Variants in ATG13 observed in about 807,000 individuals in gnomAD.
ATG13 encodes the protein autophagy related 13, also known as autophagy-related protein 13.
Under a neutral mutation model 65.5 loss-of-function variants are expected in ATG13, and 23 were observed. The ratio of observed to expected loss-of-function variants is 0.35; its 90% CI spans 0.25 to 0.50. The LOEUF is 0.50. Ranked by LOEUF, ATG13 falls within the 20% of genes least tolerant of loss-of-function variation. The probability of loss-of-function intolerance (pLI) is 0.98; values close to 1 mark genes in which losing one functional copy is unlikely to be tolerated. For synonymous variants in ATG13, 252 were observed against 245.2 expected, an observed-to-expected ratio of 1.03 and a Z score of -0.26; for missense variants, 566 against 677.0, an observed-to-expected ratio of 0.84 and a Z score of 1.82.
intron 1 of ATG13, among the ~76,000 whole-genome samples, chr11:46,622,271 C>G (rs751318565): frequency 1.3e-5 from 2 of 151,242 alleles, no homozygotes; most frequent in Non-Finnish European, 3.0e-5. Flanking sequence ...GCGCCCACTA[C>G]CATGCCTGGC....
chr11:46,663,181 G>A (rs1235146470), intron 11 of ATG13, among the ~76,000 whole-genome samples: 2 of 149,978 alleles, frequency 1.3e-5, no homozygotes. Context: ...CAGGAGAATG[G>A]CGTGAACCTG....
intron 3 of ATG13, among the ~76,000 whole-genome samples, chr11:46,644,561 C>A (rs942232483): frequency 6.6e-6 from 1 of 151,490 alleles, no homozygotes; most frequent in African/African-American, 2.4e-5. Flanking sequence ...TCCAATTTTC[C>A]ACAGCTACTT....
intron 11 of ATG13, among the ~76,000 whole-genome samples, chr11:46,661,530 A>G (rs918585781): frequency 2.6e-5 from 4 of 151,576 alleles, no homozygotes; most frequent in Admixed American, 6.6e-5. Context: ...AAAAAAAAAA[A>G]AAAAAGTCAT....
At chr11:46,638,632 A>G (rs1285926990) in intron 2 of ATG13, 3 of 151,950 alleles carry the variant, frequency 2.0e-5, no homozygotes, top group Admixed American at 6.6e-5. Flanking sequence ...TCTACTCTCT[A>G]CTACTTTAAT....
chr11:46,647,265 G>GTTTTTGTTT (rs987893796), intron 5 of ATG13, among the ~76,000 whole-genome samples: 3 of 141,508 alleles, frequency 2.1e-5, no homozygotes, highest in African/African-American at 7.7e-5. Context: ...TGCTTTTTGG[G>GTTTTTGTTT]TTTTTGTTTT....
At chr11:46,669,268 G>T in intron 17 of ATG13, 136 bp from the exon 18 acceptor site, 1 of 1,148,100 alleles carries the variant, frequency 8.7e-7, no homozygotes, top group East Asian at 2.4e-5. Context: ...GTCTGGGAGA[G>T]AAAAGTGTAA....
At chr11:46,657,013 C>A in intron 8 of ATG13, 82 bp from the exon 9 acceptor site, 1 of 1,190,408 alleles carries the variant, frequency 8.4e-7, no homozygotes, top group Non-Finnish European at 1.3e-6. Flanking sequence ...ACACAATAGG[C>A]CAAATAATTC....
At chr11:46,641,545 A>G (rs1156321509) in intron 2 of ATG13, among the ~76,000 whole-genome samples, 1 of 152,264 alleles carries the variant, frequency 6.6e-6, no homozygotes, top group African/African-American at 2.4e-5. Context: ...TAAGAAATTC[A>G]AAACAACCCA....
intron 2 of ATG13, among the ~76,000 whole-genome samples, chr11:46,639,310 A>G (rs2055084677): frequency 6.6e-6 from 1 of 152,076 alleles, no homozygotes; most frequent in African/African-American, 2.4e-5. Context: ...ATCTTCGTTG[A>G]TAGACATTTA....
chr11:46,672,785 A>G lies in ATG13; in HGVS notation c.*453A>G. ...GGAGTCGCAGAAAGAGGAAGGAGACAGTGCCAGGAGGAAGAAGGAAGGAGT... is the reference window on the plus strand; with the variant it reads ...GGAGTCGCAGAAAGAGGAAGGAGACGGTGCCAGGAGGAAGAAGGAAGGAGT... On this transcript the variant is annotated 3_prime_UTR_variant, in exon 19 of 19. Coordinates refer to ENST00000683050, the MANE Select transcript of ATG13 (RefSeq NM_001346311.2). The G allele has an allele frequency of 3.7e-6, 5 of 1,343,352 alleles. No homozygotes were observed. Among genetic ancestry groups the G allele is most frequent in the South Asian group, 3.5e-5 (3 of 86,562 alleles). The allele number at this position is 1,343,352 out of a possible 1,614,324, so 83.2% of individuals were successfully genotyped here. A position where few individuals can be genotyped will look rare whatever the true frequency, so the allele number is the denominator to read the frequency against.
intron 1 of ATG13, among the ~76,000 whole-genome samples, chr11:46,622,694 C>T (rs1003530592): frequency 2.0e-5 from 3 of 152,130 alleles, no homozygotes; most frequent in Admixed American, 6.5e-5. Context: ...AACTGATACA[C>T]GTATGTTCTG....
chr11:46,657,332 A>T, intron 9 of ATG13, 141 bp downstream of exon 9: 1 of 948,036 alleles, frequency 1.1e-6, no homozygotes, highest in Non-Finnish European at 1.6e-6. Context: ...TGCAGTTGCC[A>T]GATTGGAGAA....
intron 2 of ATG13, among the ~76,000 whole-genome samples, chr11:46,633,026 A>ATTTTTTT (rs746504456): frequency 4.4e-5 from 4 of 90,708 alleles, no homozygotes; most frequent in African/African-American, 2.6e-4. Flanking sequence ...ATATATATAT[A>ATTTTTTT]TTTTTTTTTT....
chr11:46,662,133 A>T (rs966589103), intron 11 of ATG13, among the ~76,000 whole-genome samples: 9 of 152,036 alleles, frequency 5.9e-5, no homozygotes, highest in Admixed American at 5.9e-4. Context: ...ACAAAGACCT[A>T]CTTTCTTCCT....
At chr11:46,650,060 G>A (rs1414742382) in intron 6 of ATG13, 117 bp from the exon 7 acceptor site, 3 of 1,152,594 alleles carry the variant, frequency 2.6e-6, no homozygotes, top group Non-Finnish European at 2.4e-6. Flanking sequence ...GTAATCTGTT[G>A]ATAAAGGTGT....
chr11:46,648,532 A>G (rs1264217587), intron 5 of ATG13, among the ~76,000 whole-genome samples: 2 of 152,124 alleles, frequency 1.3e-5, no homozygotes, highest in African/African-American at 4.8e-5. Flanking sequence ...TAATCCCAGC[A>G]CTTTGGGAGG....
At chr11:46,647,506 G>C (rs1476903283) in intron 5 of ATG13, among the ~76,000 whole-genome samples, 1 of 151,920 alleles carries the variant, frequency 6.6e-6, no homozygotes, top group Non-Finnish European at 1.5e-5. Flanking sequence ...TCGAACTCCT[G>C]ACTTCAGGTG....
At position 46,664,097 on chromosome 11, in the gene ATG13, T is replaced by C; in HGVS notation, c.888+2T>C. 2 of 1,578,896 alleles carry C rather than the reference T, an allele frequency of 1.3e-6. No homozygotes were observed. Among genetic ancestry groups the C allele is most frequent in the Non-Finnish European group, 1.7e-6 (2 of 1,167,530 alleles). Reference sequence around the variant, plus strand: ...GCAGGACTGGCCTTTTCCCATCAAGTGAGTCCATAATGGGAAGAAGGGGAT... The same window carrying C: ...GCAGGACTGGCCTTTTCCCATCAAGCGAGTCCATAATGGGAAGAAGGGGAT... On this transcript the variant is annotated splice_donor_variant, in intron 12 of 18. Transcript: ENST00000683050. LOFTEE classifies it high-confidence loss of function.
intron 1 of ATG13, among the ~76,000 whole-genome samples, chr11:46,622,101 A>G (rs1181300340): frequency 1.5e-5 from 1 of 67,638 alleles, no homozygotes; most frequent in African/African-American, 6.8e-5. Flanking sequence ...ATATATATAT[A>G]TATATATATA....
Sources: gnomAD v4.1 joint callset for allele counts (sites outside exome capture counted in the v4.1 genomes callset) on GRCh38, gnomAD v4.1.1 for gene constraint, MANE v1.5 for transcripts, NCBI Gene and HGNC (gene_info 2026-07-23, HGNC 2026-07-21) for gene names.